The following DPY19L2 variants were observed in gnomAD, a reference collection of about 807,000 sequenced individuals.
DPY19L2 encodes probable C-mannosyltransferase DPY19L2.
Under a neutral mutation model 97.9 loss-of-function variants are expected in DPY19L2, and 34 were observed. The ratio of observed to expected loss-of-function variants is 0.35; its 90% CI spans 0.26 to 0.46. The LOEUF (loss-of-function observed/expected upper bound fraction) is 0.46, where lower values mean the gene tolerates loss of function less well. Among genes scored for constraint, DPY19L2 ranks in the 20% least tolerant of loss-of-function variants. DPY19L2 has a pLI of 1.00. For synonymous variants in DPY19L2, 230 were observed against 307.9 expected, an observed-to-expected ratio of 0.75 and a Z score of 2.65; for missense variants, 623 against 911.4, an observed-to-expected ratio of 0.68 and a Z score of 4.07.
At chr12:63,652,920 G>A (rs1423666728) in intron 4 of DPY19L2, among the ~76,000 whole-genome samples, 1 of 152,026 alleles carries the variant, frequency 6.6e-6, no homozygotes, top group Non-Finnish European at 1.5e-5. Flanking sequence ...TCCCATGAAC[G>A]TAAAATAGAA....
At position 63,580,706 on chromosome 12, in the gene DPY19L2, G is replaced by T; in HGVS notation, c.1856C>A (p.Pro619His). ...GATCCACTGTAAAAGTTCTTCCTGAGGCAAATTATTAAATTCTCCTATTAT... is the reference window on the plus strand; with the variant it reads ...GATCCACTGTAAAAGTTCTTCCTGATGCAAATTATTAAATTCTCCTATTAT... ...WSIIGEFNNLPQEELLQWIKY... is the reference protein window; with the variant it reads ...WSIIGEFNNLHQEELLQWIKY... Residue 619 changes from proline (P) to histidine (H), a missense_variant, in exon 19 of 22, where the codon CCT (proline) becomes CAT (histidine). Pro to His is a moderately conservative substitution (Grantham distance 77). Around this residue, in one of 6 missense-constraint regions of DPY19L2, gnomAD observed 294 missense variants for 446.2 expected, o/e 0.66. Transcript: ENST00000324472. 1 of 1,613,322 alleles carries T rather than the reference G, an allele frequency of 6.2e-7. No homozygotes were observed. Among genetic ancestry groups the T allele is most frequent in the Non-Finnish European group, 8.5e-7 (1 of 1,179,586 alleles).
At chr12:63,644,097 C>CTTAT (rs1234771412) in intron 6 of DPY19L2, among the ~76,000 whole-genome samples, 1 of 152,104 alleles carries the variant, frequency 6.6e-6, no homozygotes, top group Admixed American at 6.6e-5. Flanking sequence ...GCTACTACTG[C>CTTAT]TAACCAAAGA....
intron 12 of DPY19L2, among the ~76,000 whole-genome samples, chr12:63,604,503 C>T (rs1208773463): frequency 6.6e-6 from 1 of 152,076 alleles, no homozygotes; most frequent in Non-Finnish European, 1.5e-5. Flanking sequence ...TTTGTTACTA[C>T]ACCATAGGTC....
intron 12 of DPY19L2, among the ~76,000 whole-genome samples, chr12:63,604,216 AT>A (rs1478693557): frequency 6.6e-6 from 1 of 151,952 alleles, no homozygotes; most frequent in Non-Finnish European, 1.5e-5. Context: ...ATTCAACTCA[AT>A]TTTGCCCTGT....
rs1387448663 is a variant in DPY19L2 at position 63,663,800 on chromosome 12, G to A, written c.408C>T (p.His136=). 1 of 1,606,248 alleles carries A rather than the reference G, an allele frequency of 6.2e-7. No individual in the cohort carries two copies. Among genetic ancestry groups the A allele is most frequent in the Non-Finnish European group, 8.5e-7 (1 of 1,177,920 alleles). ...TLFENDRHFS[H]LSSLEREMTF... is the part of the protein sequence containing the mutation. Reference sequence around the variant, plus strand: ...TCATCTCCCGTTCCAAAGATGAGAGGTGAGAGAAATGACGATCATTTTCAA... The same window carrying A: ...TCATCTCCCGTTCCAAAGATGAGAGATGAGAGAAATGACGATCATTTTCAA... Residue 136 remains histidine, a synonymous_variant, in exon 3 of 22, where the codon CAC becomes CAT. Transcript: ENST00000324472.
chr12:63,562,017 G>C (rs2659971), intron 21 of DPY19L2, among the ~76,000 whole-genome samples: 10 of 152,028 alleles, frequency 6.6e-5, no homozygotes, highest in African/African-American at 2.2e-4. Flanking sequence ...TTCAAATATT[G>C]TGCCAAATTT....
intron 4 of DPY19L2, among the ~76,000 whole-genome samples, chr12:63,653,021 A>G (rs1244144363): frequency 1.3e-5 from 2 of 152,166 alleles, no homozygotes; most frequent in African/African-American, 4.8e-5. Context: ...ATCAAAATAA[A>G]AAACCTTAAA....
At chr12:63,593,997 T>C in intron 16 of DPY19L2, 90 bp downstream of exon 16, 1 of 845,798 alleles carries the variant, frequency 1.2e-6, no homozygotes, top group Non-Finnish European at 1.8e-6. Flanking sequence ...TGCTAAAGTT[T>C]AATGCATATT....
intron 6 of DPY19L2, among the ~76,000 whole-genome samples, chr12:63,644,173 G>GA (rs1893074244): frequency 6.6e-6 from 1 of 151,926 alleles, no homozygotes; most frequent in African/African-American, 2.4e-5. Context: ...CCTTTGTTAG[G>GA]AAATCTGTTT....
chr12:63,666,393 A>T (rs1896340224), intron 1 of DPY19L2: 1 of 245,436 alleles, frequency 4.1e-6, no homozygotes, highest in Admixed American at 5.1e-5. Context: ...CAGACCTAGG[A>T]GCTACTAGAT....
chr12:63,635,970 T>C (rs1057052540), intron 6 of DPY19L2, among the ~76,000 whole-genome samples: 1 of 151,832 alleles, frequency 6.6e-6, no homozygotes, highest in Middle Eastern at 3.2e-3. Context: ...CCAAGACACA[T>C]AATTGTCAGA....
At chr12:63,564,711 G>C (rs1188137140) in intron 21 of DPY19L2, among the ~76,000 whole-genome samples, 1 of 151,978 alleles carries the variant, frequency 6.6e-6, no homozygotes, top group Non-Finnish European at 1.5e-5. Flanking sequence ...GTTCTAGGGT[G>C]GTATGTACTA....
At chr12:63,616,355 GGAAA>G (rs1222852473) in intron 11 of DPY19L2, among the ~76,000 whole-genome samples, 3 of 152,224 alleles carry the variant, frequency 2.0e-5, no homozygotes, top group Middle Eastern at 3.4e-3. Context: ...ACAAAATGTT[GGAAA>G]GAAAGAGCAT....
chr12:63,664,908 A>C (rs769864335), intron 2 of DPY19L2, among the ~76,000 whole-genome samples: 4 of 152,182 alleles, frequency 2.6e-5, no homozygotes, highest in Non-Finnish European at 4.4e-5. Flanking sequence ...CCTGCAGACT[A>C]AACGTCTACA....
At chr12:63,628,252 C>A (rs1365927738) in intron 6 of DPY19L2, among the ~76,000 whole-genome samples, 2 of 152,106 alleles carry the variant, frequency 1.3e-5, no homozygotes, top group Admixed American at 6.5e-5. Context: ...CGAGCATGAG[C>A]CAAAGCAGGG....
intron 4 of DPY19L2, among the ~76,000 whole-genome samples, chr12:63,647,703 G>C (rs540136217): frequency 8.1e-4 from 124 of 152,264 alleles, no homozygotes; most frequent in Non-Finnish European, 1.5e-3. Flanking sequence ...CTTGAAAAAG[G>C]AGGATTTGCA....
intron 6 of DPY19L2, among the ~76,000 whole-genome samples, chr12:63,641,530 T>C (rs1359659141): frequency 6.6e-6 from 1 of 152,174 alleles, no homozygotes; most frequent in Non-Finnish European, 1.5e-5. Context: ...TTTAATCTGT[T>C]TTTAAACAAT....
intron 16 of DPY19L2, 58 bp downstream of exon 16, chr12:63,594,029 A>T: frequency 8.2e-7 from 1 of 1,215,116 alleles, no homozygotes; most frequent in Non-Finnish European, 1.2e-6. Flanking sequence ...TTAATGTTAC[A>T]GTAAGTTATT....
At chr12:63,619,456 T>C (rs1888333516) in intron 9 of DPY19L2, among the ~76,000 whole-genome samples, 2 of 150,942 alleles carry the variant, frequency 1.3e-5, no homozygotes, top group South Asian at 2.1e-4. Context: ...TAAAGAAAAA[T>C]GAAAGCCTAG....
Sources: allele counts gnomAD v4.1 joint callset (sites outside exome capture counted in the v4.1 genomes callset), GRCh38; gene constraint gnomAD v4.1.1; regional missense constraint gnomAD v4.1.1; transcripts MANE v1.5; gene names NCBI Gene and HGNC (gene_info 2026-07-23, HGNC 2026-07-21).